Variants in ADAM23 observed in about 807,000 individuals in gnomAD.
ADAM23 encodes the protein ADAM metallopeptidase domain 23.
In ADAM23, 33 loss-of-function variants were observed where a neutral mutation model predicts 120.1. The observed-to-expected ratio is 0.27, with a 90% CI of 0.21 to 0.37. ADAM23 has a LOEUF of 0.37. Ranked by LOEUF, ADAM23 falls within the 10% of genes least tolerant of loss-of-function variation. The probability of loss-of-function intolerance (pLI) is 1.00; values close to 1 mark genes in which losing one functional copy is unlikely to be tolerated. For missense variants in ADAM23, 862 were observed against 1,058.2 expected (o/e 0.81, Z 2.57); for synonymous variants, 367 against 375.2 (o/e 0.98, Z 0.25).
At chr2:206,567,096 G>A (rs182028445) in intron 14 of ADAM23, 127 bp from the exon 15 acceptor site, 8 of 715,686 alleles carry the variant, frequency 1.1e-5, no homozygotes, top group African/African-American at 1.1e-4. Flanking sequence ...TAAGTCCCTT[G>A]TCAAAATTTG....
chr2:206,480,892 C>G (rs936652172), intron 2 of ADAM23, among the ~76,000 whole-genome samples: 1 of 152,140 alleles, frequency 6.6e-6, no homozygotes, highest in Admixed American at 6.5e-5. Context: ...GCTTTATGCA[C>G]AAAACGGGCT....
At chr2:206,508,708 T>G (rs2105898798) in intron 3 of ADAM23, among the ~76,000 whole-genome samples, 1 of 151,332 alleles carries the variant, frequency 6.6e-6, no homozygotes, top group South Asian at 2.1e-4. Flanking sequence ...AGGGGCTTAG[T>G]AAAGCCCCCT....
chr2:206,472,487 C>T (rs889638096), intron 2 of ADAM23, among the ~76,000 whole-genome samples: 5 of 151,734 alleles, frequency 3.3e-5, no homozygotes, highest in South Asian at 2.1e-4. Flanking sequence ...TTGGCGCACA[C>T]CTGTAGTCCC....
chr2:206,502,677 T>C (rs1223150736), intron 3 of ADAM23, among the ~76,000 whole-genome samples: 3 of 152,230 alleles, frequency 2.0e-5, no homozygotes, highest in Admixed American at 6.5e-5. Flanking sequence ...CTATCTCCAG[T>C]CCCCATCTTA....
chr2:206,552,490 CCTT>C (rs1697549532), intron 9 of ADAM23, among the ~76,000 whole-genome samples: 1 of 151,882 alleles, frequency 6.6e-6, no homozygotes, highest in South Asian at 2.1e-4. Context: ...ATTTAAATAA[CCTT>C]ATTCTTATGA....
At chr2:206,547,063 A>G (rs1365646316) in intron 6 of ADAM23, among the ~76,000 whole-genome samples, 2 of 152,192 alleles carry the variant, frequency 1.3e-5, no homozygotes, top group African/African-American at 4.8e-5. Flanking sequence ...CATCAGTTTT[A>G]TGGCAAAAGT....
intron 2 of ADAM23, among the ~76,000 whole-genome samples, chr2:206,474,280 T>C (rs994671060): frequency 2.0e-5 from 3 of 152,194 alleles, no homozygotes; most frequent in Non-Finnish European, 4.4e-5. Context: ...GTTTCACTTC[T>C]GTGGAAAATG....
rs75011131 is a variant in ADAM23 at position 206,575,101 on chromosome 2, C to G, written c.1737+1906C>G. Among the ~76,000 whole-genome samples, 974 of 152,154 alleles carry G rather than the reference C, an allele frequency of 6.4e-3. 18 individuals carry two copies. The highest frequency in any genetic ancestry group is 0.023 in the African/African-American group (937 of 41,504). On this transcript the variant is annotated intron_variant, in intron 18 of 25. Coordinates refer to ENST00000264377, the MANE Select transcript of ADAM23 (RefSeq NM_003812.4). ...TGATAGATAGGGTGATCAAATATTT[C>G]TTTCTGGAGGACATGGCATGGAAGC... is the stretch of plus-strand genomic sequence containing the variant.
At chr2:206,508,175 A>T (rs537302833) in intron 3 of ADAM23, among the ~76,000 whole-genome samples, 21 of 151,978 alleles carry the variant, frequency 1.4e-4, no homozygotes, top group Admixed American at 1.3e-3. Flanking sequence ...GACTACAGGC[A>T]TCCACCACCA....
At chr2:206,500,747 G>A (rs575609154) in intron 3 of ADAM23, among the ~76,000 whole-genome samples, 39 of 152,216 alleles carry the variant, frequency 2.6e-4, no homozygotes, top group African/African-American at 8.9e-4. Context: ...TCCCTGGTTC[G>A]CTGGGAGATA....
At chr2:206,471,612 T>C (rs965429178) in intron 2 of ADAM23, among the ~76,000 whole-genome samples, 1 of 152,204 alleles carries the variant, frequency 6.6e-6, no homozygotes, top group African/African-American at 2.4e-5. Flanking sequence ...TTCCATTCTT[T>C]TATTTAAATT....
intron 12 of ADAM23, among the ~76,000 whole-genome samples, chr2:206,561,550 T>C (rs1176583012): frequency 6.6e-6 from 1 of 152,160 alleles, no homozygotes; most frequent in East Asian, 1.9e-4. Flanking sequence ...CTATGTTAAA[T>C]TTAACTCATT....
chr2:206,543,234 G>T lies in ADAM23; in HGVS notation c.657-19G>T. ...TGTGTTTGTTTATTCCCTCCTTTGTGTGGTTTCTTTTGTGCTAGTGGCATG... is the reference window on the plus strand; with the variant it reads ...TGTGTTTGTTTATTCCCTCCTTTGTTTGGTTTCTTTTGTGCTAGTGGCATG... On this transcript the variant is annotated intron_variant, in intron 5 of 25. Transcript: ENST00000264377. 6.2e-7 allele frequency: 1 copy of T among 1,611,912 alleles called. No individual in the cohort carries two copies. The highest frequency in any genetic ancestry group is 8.5e-7 in the Non-Finnish European group (1 of 1,178,380).
intron 15 of ADAM23, among the ~76,000 whole-genome samples, chr2:206,567,963 C>T (rs1697923443): frequency 6.6e-6 from 1 of 152,306 alleles, no homozygotes; most frequent in East Asian, 1.9e-4. Flanking sequence ...GTGAGACTCA[C>T]TCACTATCAT....
At chr2:206,614,360 C>G (rs1052470865) in intron 25 of ADAM23, among the ~76,000 whole-genome samples, 1 of 152,086 alleles carries the variant, frequency 6.6e-6, no homozygotes, top group African/African-American at 2.4e-5. Flanking sequence ...TAGACTATTA[C>G]CAGCAAAGTT....
At chr2:206,486,870 A>G (rs981651605) in intron 3 of ADAM23, among the ~76,000 whole-genome samples, 2 of 152,150 alleles carry the variant, frequency 1.3e-5, no homozygotes, top group Non-Finnish European at 2.9e-5. Context: ...CCCTGTACCC[A>G]TTAGCAGTCA....
chr2:206,477,691 A>G (rs953141070), intron 2 of ADAM23, among the ~76,000 whole-genome samples: 2 of 151,922 alleles, frequency 1.3e-5, no homozygotes, highest in Non-Finnish European at 2.9e-5. Context: ...GTTCCTTTGT[A>G]AAAGAAGAAC....
intron 2 of ADAM23, among the ~76,000 whole-genome samples, chr2:206,461,425 C>A (rs1695416988): frequency 6.6e-6 from 1 of 152,024 alleles, no homozygotes; most frequent in Non-Finnish European, 1.5e-5. Flanking sequence ...AAAGGGAGAC[C>A]AGACTATGAG....
intron 2 of ADAM23, among the ~76,000 whole-genome samples, chr2:206,459,786 C>T (rs954041538): frequency 2.2e-4 from 34 of 152,166 alleles, no homozygotes; most frequent in African/African-American, 7.0e-4. Context: ...TGGAACATCA[C>T]CTTCCAGTTG....
Sources: gnomAD v4.1 joint callset for allele counts (sites outside exome capture counted in the v4.1 genomes callset) on GRCh38, gnomAD v4.1.1 for gene constraint, MANE v1.5 for transcripts, NCBI Gene and HGNC (gene_info 2026-07-23, HGNC 2026-07-21) for gene names.